Variants in PLCB1 observed in about 807,000 individuals in gnomAD.
The protein encoded by PLCB1 is phospholipase C beta 1.
PLCB1 carries 46 observed loss-of-function variants against 161.8 expected under a neutral mutation model. The observed-to-expected ratio is 0.28, with a 90% CI of 0.22 to 0.36. PLCB1 has a LOEUF of 0.36. PLCB1 is among the 10% of genes least tolerant of loss of function. The pLI, the probability that PLCB1 is intolerant of heterozygous loss-of-function variation, is 1.00. For missense variants in PLCB1, 1,016 were observed against 1,472.5 expected (o/e 0.69, Z 5.07); for synonymous variants, 517 against 503.7 (o/e 1.03, Z -0.35).
At chr20:8,168,726 T>C (rs891352393) in intron 2 of PLCB1, among the ~76,000 whole-genome samples, 3 of 152,040 alleles carry the variant, frequency 2.0e-5, no homozygotes, top group Non-Finnish European at 4.4e-5. Context: ...GATTTGGAAG[T>C]GATTTTTCTG....
chr20:8,302,656 A>G (rs1568623980), intron 2 of PLCB1, among the ~76,000 whole-genome samples: 1 of 152,196 alleles, frequency 6.6e-6, no homozygotes, highest in Non-Finnish European at 1.5e-5. Context: ...AGAGGATTCC[A>G]ATCATTGCTG....
chr20:8,310,940 A>G (rs1984369681), intron 2 of PLCB1, among the ~76,000 whole-genome samples: 1 of 152,090 alleles, frequency 6.6e-6, no homozygotes, highest in African/African-American at 2.4e-5. Context: ...TATGGTGTAT[A>G]TGCACCCCCA....
At chr20:8,242,066 A>G (rs538413700) in intron 2 of PLCB1, among the ~76,000 whole-genome samples, 1 of 152,080 alleles carries the variant, frequency 6.6e-6, no homozygotes, top group African/African-American at 2.4e-5. Flanking sequence ...AAACAGCCAG[A>G]TATTAGGAGT....
chr20:8,462,476 A>G (rs1017612710), intron 3 of PLCB1, among the ~76,000 whole-genome samples: 1 of 152,194 alleles, frequency 6.6e-6, no homozygotes, highest in Admixed American at 6.5e-5. Flanking sequence ...TAAAGTATTT[A>G]TAGCTTGTAA....
intron 26 of PLCB1, among the ~76,000 whole-genome samples, chr20:8,771,570 A>G (rs1050661718): frequency 2.0e-5 from 3 of 152,066 alleles, no homozygotes; most frequent in African/African-American, 7.2e-5. Context: ...ATTTAATTTC[A>G]TGGATCTTAT....
intron 2 of PLCB1, among the ~76,000 whole-genome samples, chr20:8,351,011 T>G (rs1986161185): frequency 6.6e-6 from 1 of 152,174 alleles, no homozygotes; most frequent in Non-Finnish European, 1.5e-5. Flanking sequence ...GTTGCAAAAT[T>G]TATATGGTAA....
intron 26 of PLCB1, among the ~76,000 whole-genome samples, chr20:8,773,245 G>A (rs1290791221): frequency 1.3e-5 from 2 of 152,196 alleles, no homozygotes; most frequent in Non-Finnish European, 2.9e-5. Flanking sequence ...CGGACCACAA[G>A]TGAAAAATAT....
chr20:8,447,053 T>C (rs1980867622), intron 3 of PLCB1, among the ~76,000 whole-genome samples: 1 of 152,192 alleles, frequency 6.6e-6, no homozygotes, highest in South Asian at 2.1e-4. Context: ...TAAATATACA[T>C]ATACTGAGTG....
rs760293019 is a variant in PLCB1 at position 8,451,501 on chromosome 20, C to T, written c.246+80051C>T. ...TAGCTGGGACCACAGGTGGGCGTCA[C>T]CACACCCAGCTAATTTTTTTGTATT... On this transcript the variant is annotated intron_variant, in intron 3 of 31. Coordinates refer to ENST00000338037, the MANE Select transcript of PLCB1 (RefSeq NM_015192.4). Among the ~76,000 whole-genome samples, 68 of 152,090 alleles carry T rather than the reference C, an allele frequency of 4.5e-4. 2 individuals are homozygous for T. The highest frequency in any genetic ancestry group is 2.4e-4 in the African/African-American group (10 of 41,416).
intron 3 of PLCB1, among the ~76,000 whole-genome samples, chr20:8,378,359 A>G (rs561630719): frequency 6.6e-6 from 1 of 152,354 alleles, no homozygotes; most frequent in South Asian, 2.1e-4. Context: ...TGAATATTGA[A>G]AAAACATAAG....
At chr20:8,846,290 C>A (rs1427224109) in intron 31 of PLCB1, among the ~76,000 whole-genome samples, 1 of 150,858 alleles carries the variant, frequency 6.6e-6, no homozygotes, top group Admixed American at 6.6e-5. Context: ...AATCTGCCCG[C>A]ATGATAAAAT....
At chr20:8,623,438 TTCA>T (rs1226523968) in intron 3 of PLCB1, among the ~76,000 whole-genome samples, 1 of 152,218 alleles carries the variant, frequency 6.6e-6, no homozygotes, top group African/African-American at 2.4e-5. Context: ...TTTTCTCTTC[TTCA>T]TCAACAGTTT....
intron 31 of PLCB1, among the ~76,000 whole-genome samples, chr20:8,847,096 CTACCCAAGTGA>C (rs1986716042): frequency 6.6e-6 from 1 of 152,174 alleles, no homozygotes; most frequent in African/African-American, 2.4e-5. Context: ...ATTTTAAAAG[CTACCCAAGTGA>C]TTCTAATATG....
chr20:8,210,445 T>G (rs1207068233), intron 2 of PLCB1, among the ~76,000 whole-genome samples: 1 of 152,124 alleles, frequency 6.6e-6, no homozygotes, highest in Non-Finnish European at 1.5e-5. Flanking sequence ...ACCTTTAAAT[T>G]CATTAAATCT....
At chr20:8,340,054 A>G (rs1171678892) in intron 2 of PLCB1, among the ~76,000 whole-genome samples, 1 of 152,220 alleles carries the variant, frequency 6.6e-6, no homozygotes, top group East Asian at 1.9e-4. Context: ...AGTAAACACT[A>G]CTGTAACTCC....
intron 2 of PLCB1, among the ~76,000 whole-genome samples, chr20:8,216,856 G>A (rs1444979015): frequency 2.0e-5 from 3 of 152,146 alleles, no homozygotes; most frequent in Non-Finnish European, 2.9e-5. Context: ...TCATTATAGA[G>A]CATTCAGAAC....
chr20:8,861,229 A>G (rs983587661), intron 31 of PLCB1, among the ~76,000 whole-genome samples: 2 of 152,250 alleles, frequency 1.3e-5, no homozygotes, highest in Admixed American at 6.5e-5. Flanking sequence ...GGAAATGCAA[A>G]CATACTTGTA....
chr20:8,637,901 G>T (rs1409927017), intron 4 of PLCB1, among the ~76,000 whole-genome samples: 1 of 152,118 alleles, frequency 6.6e-6, no homozygotes, highest in Non-Finnish European at 1.5e-5. Flanking sequence ...TTTATTTATT[G>T]ATTTATTTTT....
Position 8,644,432 on chromosome 20 carries a change from C to A in PLCB1, c.385-1670C>A, listed in dbSNP as rs560695121. ...CACCCATCGTCTGAGATGTGGGGAG[C>A]GCCTCTGCCCCGCCGCCCCATCTGG... On this transcript the variant is annotated intron_variant, in intron 4 of 31. Coordinates refer to ENST00000338037, the MANE Select transcript of PLCB1 (RefSeq NM_015192.4). Among the ~76,000 whole-genome samples the A allele has an allele frequency of 2.7e-5, 4 of 150,086 alleles. No individual in the cohort carries two copies. In the East Asian group the frequency reaches 5.9e-4, roughly 22 times the overall value.
Sources: allele counts gnomAD v4.1 joint callset (sites outside exome capture counted in the v4.1 genomes callset), GRCh38; gene constraint gnomAD v4.1.1; transcripts MANE v1.5; gene names NCBI Gene and HGNC (gene_info 2026-07-23, HGNC 2026-07-21).